The following PXDN variants were observed in gnomAD, a reference collection of about 807,000 sequenced individuals.
PXDN encodes the protein peroxidasin, also known as peroxidasin homolog.
Under a neutral mutation model 140.3 loss-of-function variants are expected in PXDN, and 77 were observed. That is an observed-to-expected ratio of 0.55 (90% CI 0.46 to 0.66). The LOEUF (loss-of-function observed/expected upper bound fraction) is 0.66, where lower values mean the gene tolerates loss of function less well. Among genes scored for constraint, PXDN ranks in the 30% least tolerant of loss-of-function variants. PXDN has a pLI of 0.00. For synonymous variants in PXDN, 911 were observed against 857.4 expected (o/e 1.06, Z -1.09); for missense variants, 1,838 against 2,039.5 (o/e 0.90, Z 1.90).
intron 1 of PXDN, among the ~76,000 whole-genome samples, chr2:1,701,695 G>A (rs934226626): frequency 1.3e-5 from 2 of 152,184 alleles, no homozygotes; most frequent in South Asian, 2.1e-4. Flanking sequence ...GAGCCCCCAC[G>A]GCTGCAGACT....
intron 1 of PXDN, among the ~76,000 whole-genome samples, chr2:1,741,615 A>G (rs1176313617): frequency 6.6e-6 from 1 of 152,118 alleles, no homozygotes; most frequent in African/African-American, 2.4e-5. Context: ...AAGGAGCAAT[A>G]AGATGTTTTC....
chr2:1,674,867 G>A (rs1403027868), intron 8 of PXDN, among the ~76,000 whole-genome samples: 4 of 152,088 alleles, frequency 2.6e-5, no homozygotes, highest in Non-Finnish European at 4.4e-5. Context: ...CCTTCCACGC[G>A]AGTTTCCTAA....
At chr2:1,733,111 G>A (rs1471203452) in intron 1 of PXDN, among the ~76,000 whole-genome samples, 3 of 152,030 alleles carry the variant, frequency 2.0e-5, no homozygotes, top group South Asian at 2.1e-4. Context: ...CCTAATACAC[G>A]TATAACTGGA....
intron 1 of PXDN, among the ~76,000 whole-genome samples, chr2:1,743,619 G>C (rs1169252024): frequency 6.8e-6 from 1 of 146,600 alleles, no homozygotes; most frequent in East Asian, 2.1e-4. Flanking sequence ...GAGGGGGAGA[G>C]GGCGGAGGCT....
At chr2:1,736,917 T>G (rs1042136044) in intron 1 of PXDN, among the ~76,000 whole-genome samples, 1 of 152,174 alleles carries the variant, frequency 6.6e-6, no homozygotes, top group African/African-American at 2.4e-5. Flanking sequence ...AGCCTCTCCT[T>G]CTGATTTAAC....
intron 3 of PXDN, 109 bp downstream of exon 3, chr2:1,691,819 T>C (rs1458576222): frequency 2.6e-5 from 18 of 696,346 alleles, no homozygotes; most frequent in Non-Finnish European, 3.5e-5. Flanking sequence ...AAAACCTCAT[T>C]TAAATGAATA....
chr2:1,643,954 C>A (rs1304958500), intron 18 of PXDN, among the ~76,000 whole-genome samples: 1 of 151,524 alleles, frequency 6.6e-6, no homozygotes, highest in Non-Finnish European at 1.5e-5. Flanking sequence ...CACCTGTAGT[C>A]CCAGCTACTC....
intron 21 of PXDN, among the ~76,000 whole-genome samples, chr2:1,638,457 G>A (rs1558482817): frequency 6.6e-6 from 1 of 152,326 alleles, no homozygotes; most frequent in East Asian, 1.9e-4. Flanking sequence ...TGACCTGGAA[G>A]TGCCTCCTTA....
intron 1 of PXDN, among the ~76,000 whole-genome samples, chr2:1,705,459 G>A (rs1416998114): frequency 6.7e-6 from 1 of 149,590 alleles, no homozygotes; most frequent in East Asian, 2.0e-4. Flanking sequence ...GATGCAGGGT[G>A]CAGCTGCCCA....
chr2:1,664,944 G>A lies in PXDN; in HGVS notation c.1408+14C>T, dbSNP rs757935871. ...CCGCGGAGGGAGCAGGCAAAGGGCC[G>A]GCCTGGGTCTTACCTCCCTTGGTCC... On this transcript the variant is annotated intron_variant, in intron 11 of 22. Transcript: ENST00000252804. The A allele has an allele frequency of 5.8e-5, 92 of 1,575,934 alleles. No individual in the cohort carries two copies. The highest frequency in any genetic ancestry group is 1.4e-4 in the Admixed American group (8 of 59,052).
rs1682674149 is a variant in PXDN, at chr2:1,639,870, TG to T, written c.3953-449del. 6.6e-6 allele frequency among the ~76,000 whole-genome samples: 1 copy of T among 152,202 alleles called. No homozygotes were observed. The highest frequency in any genetic ancestry group is 2.1e-4 in the South Asian group (1 of 4,834). The stretch of plus-strand genomic sequence containing the variant: ...CCCTACGTCACACTGCCAGCCCCAG[TG>T]TCAGACAAGAGGCGGCCTGACCCTG... On this transcript the variant is annotated intron_variant, in intron 19 of 22. Coordinates refer to ENST00000252804, the MANE Select transcript of PXDN (RefSeq NM_012293.3). The surrounding 1 kb of genome is among the most constrained non-coding windows in gnomAD (Gnocchi z 5.0).
intron 17 of PXDN, among the ~76,000 whole-genome samples, chr2:1,645,435 T>G (rs1682828273): frequency 6.6e-6 from 1 of 152,162 alleles, no homozygotes; most frequent in South Asian, 2.1e-4. Flanking sequence ...TATTCAAAGC[T>G]CTACTCGATT....
chr2:1,694,269 T>G (rs1264704541), intron 1 of PXDN, among the ~76,000 whole-genome samples: 4 of 152,180 alleles, frequency 2.6e-5, no homozygotes, highest in African/African-American at 9.7e-5. Context: ...CATTAGGGTA[T>G]GATAACATAA....
chr2:1,717,155 G>A (rs1026726839), intron 1 of PXDN, among the ~76,000 whole-genome samples: 3 of 152,190 alleles, frequency 2.0e-5, no homozygotes, highest in Non-Finnish European at 2.9e-5. Flanking sequence ...GTCTAGAAAC[G>A]CTGGCCATGA....
In PXDN at chr2:1,687,498, T is replaced by G; in HGVS notation, c.416+134A>C. On this transcript the variant is annotated intron_variant, in intron 4 of 22. Coordinates refer to ENST00000252804, the MANE Select transcript of PXDN (RefSeq NM_012293.3). The surrounding 1 kb of genome is among the most constrained non-coding windows in gnomAD (Gnocchi z 4.0). ...GCCCATCCCTGTTTTTCCGTCATCA[T>G]GCACGTACTCCCCGCACCTCAGGTA... is the stretch of plus-strand genomic sequence containing the variant. The G allele has an allele frequency of 1.7e-6, 1 of 576,078 alleles. No individual in the cohort carries two copies. The highest frequency in any genetic ancestry group is 4.5e-5 in the South Asian group (1 of 22,346). 35.7% of individuals were successfully genotyped at this position (576,078 alleles called of 1,614,324 possible).
intron 1 of PXDN, among the ~76,000 whole-genome samples, chr2:1,736,346 T>A (rs1052577962): frequency 3.3e-4 from 50 of 152,208 alleles, no homozygotes; most frequent in African/African-American, 1.1e-3. Context: ...TGTAGGGTTA[T>A]CAACTGGCCT....
intron 9 of PXDN, among the ~76,000 whole-genome samples, chr2:1,673,240 T>C (rs1683617595): frequency 6.6e-6 from 1 of 152,214 alleles, no homozygotes; most frequent in Non-Finnish European, 1.5e-5. Context: ...TGGTTTCTTT[T>C]ACATAATCCA....
intron 21 of PXDN, among the ~76,000 whole-genome samples, chr2:1,638,222 T>C (rs560102526): frequency 6.6e-4 from 101 of 152,264 alleles, no homozygotes; most frequent in African/African-American, 2.4e-3. Context: ...CTTCCTTCTA[T>C]TTAGCCATAG....
At chr2:1,688,225 G>GCTC (rs1251588834) in intron 3 of PXDN, among the ~76,000 whole-genome samples, 3 of 152,186 alleles carry the variant, frequency 2.0e-5, no homozygotes, top group African/African-American at 4.8e-5. Flanking sequence ...AATTGGCCTG[G>GCTC]CTCTTGTCTT....
Sources: allele counts gnomAD v4.1 joint callset (sites outside exome capture counted in the v4.1 genomes callset), GRCh38; gene constraint gnomAD v4.1.1; non-coding constraint Gnocchi (gnomAD v3.1); transcripts MANE v1.5; gene names NCBI Gene and HGNC (gene_info 2026-07-23, HGNC 2026-07-21).